The following DAB1 variants were observed in gnomAD, a reference collection of about 807,000 sequenced individuals.
DAB1 encodes DAB adaptor protein 1, also known as disabled homolog 1.
DAB1 carries 15 observed loss-of-function variants against 64.6 expected under a neutral mutation model. That is an observed-to-expected ratio of 0.23 (90% confidence interval 0.16 to 0.36). The LOEUF (loss-of-function observed/expected upper bound fraction) is 0.36. Ranked by LOEUF, DAB1 falls within the 10% of genes least tolerant of loss-of-function variation. DAB1 has a pLI of 1.00. For synonymous variants in DAB1, 235 were observed against 251.9 expected, an observed-to-expected ratio of 0.93 and a Z score of 0.64; for missense variants, 596 against 706.7, an observed-to-expected ratio of 0.84 and a Z score of 1.78.
intron 7 of DAB1, among the ~76,000 whole-genome samples, chr1:57,430,987 G>A (rs1379196896): frequency 2.6e-5 from 4 of 151,660 alleles, no homozygotes; most frequent in Non-Finnish European, 4.4e-5. Flanking sequence ...TGAGATGAAC[G>A]CTATGACAAT....
chr1:58,315,759 T>A (rs1662543641), intron 4 of DAB1, among the ~76,000 whole-genome samples: 2 of 152,188 alleles, frequency 1.3e-5, no homozygotes, highest in Admixed American at 1.3e-4. Context: ...ATGAACTGAC[T>A]GACAAAGAGA....
At chr1:58,042,690 G>A (rs1418967230) in intron 5 of DAB1, among the ~76,000 whole-genome samples, 8 of 152,154 alleles carry the variant, frequency 5.3e-5, no homozygotes, top group East Asian at 1.9e-4. Flanking sequence ...AAGACTATTC[G>A]CATGGAAGCA....
intron 7 of DAB1, among the ~76,000 whole-genome samples, chr1:57,595,663 T>C (rs759741212): frequency 3.4e-5 from 5 of 148,070 alleles, no homozygotes; most frequent in Admixed American, 6.7e-5. Context: ...AGAATAATAA[T>C]CCCAGTGTTG....
intron 3 of DAB1, among the ~76,000 whole-genome samples, chr1:58,458,676 T>C (rs1301301833): frequency 6.6e-6 from 1 of 152,140 alleles, no homozygotes; most frequent in Non-Finnish European, 1.5e-5. Flanking sequence ...TGGTGGTGCA[T>C]GCCTGTTATC....
At chr1:58,223,137 G>T (rs1294826607) in intron 4 of DAB1, among the ~76,000 whole-genome samples, 1 of 152,126 alleles carries the variant, frequency 6.6e-6, no homozygotes. Flanking sequence ...CAATCTCAGG[G>T]CTGGCACACT....
In DAB1 at chr1:57,565,722, G is replaced by A. The variant is rs188560622; in HGVS notation, n.625+83870C>T. Among the ~76,000 whole-genome samples, 275 of 152,148 alleles carry A rather than the reference G, an allele frequency of 1.8e-3. 1 individual carries two copies. Among genetic ancestry groups the A allele is most frequent in the African/African-American group, 6.0e-3 (251 of 41,534 alleles). Reference sequence around the variant, plus strand: ...AAGGGGTCAATTCAACAAGAAGAGCGAACTATCCTAAATATATATGCACCC... The same window carrying A: ...AAGGGGTCAATTCAACAAGAAGAGCAAACTATCCTAAATATATATGCACCC... On this transcript the variant is annotated intron_variant and non_coding_transcript_variant, in intron 7 of 20. Coordinates refer to the DAB1 transcript ENST00000485760.
chr1:58,252,770 CT>C (rs1553170769), intron 4 of DAB1, among the ~76,000 whole-genome samples: 2 of 152,168 alleles, frequency 1.3e-5, no homozygotes, highest in Non-Finnish European at 2.9e-5. Context: ...TGACTTTCTC[CT>C]TCTCTAAGCC....
intron 2 of DAB1, among the ~76,000 whole-genome samples, chr1:57,285,478 G>A (rs1672239914): frequency 6.6e-6 from 1 of 151,762 alleles, no homozygotes; most frequent in Non-Finnish European, 1.5e-5. Flanking sequence ...TCACCATGTT[G>A]GCCAGGTTGG....
chr1:57,206,142 G>T (rs1465327514), intron 2 of DAB1, among the ~76,000 whole-genome samples: 1 of 152,228 alleles, frequency 6.6e-6, no homozygotes, highest in Non-Finnish European at 1.5e-5. Context: ...ATTCCAAAGG[G>T]GTTAGCAGGA....
At chr1:57,029,580 G>A (rs1646902466) in intron 9 of DAB1, among the ~76,000 whole-genome samples, 1 of 152,186 alleles carries the variant, frequency 6.6e-6, no homozygotes, top group Non-Finnish European at 1.5e-5. Context: ...GCAGCTGGGA[G>A]GGAGGCTGTA....
intron 3 of DAB1, among the ~76,000 whole-genome samples, chr1:58,483,689 C>T (rs1472680935): frequency 6.6e-6 from 1 of 152,118 alleles, no homozygotes; most frequent in Non-Finnish European, 1.5e-5. Context: ...AAGTCAGATC[C>T]TCAGCTAAAC....
chr1:57,627,108 AC>A (rs1461812697), intron 7 of DAB1, among the ~76,000 whole-genome samples: 3 of 152,174 alleles, frequency 2.0e-5, no homozygotes, highest in African/African-American at 7.2e-5. Context: ...CCTGAATAGA[AC>A]AAAAGGCAGA....
intron 5 of DAB1, among the ~76,000 whole-genome samples, chr1:57,928,458 T>C (rs1484995505): frequency 3.3e-5 from 5 of 152,150 alleles, no homozygotes; most frequent in African/African-American, 1.2e-4. Flanking sequence ...TATATCACTG[T>C]TACTCAAAGA....
At chr1:57,788,145 G>A (rs1650425520) in intron 6 of DAB1, among the ~76,000 whole-genome samples, 2 of 152,064 alleles carry the variant, frequency 1.3e-5, no homozygotes, top group South Asian at 4.1e-4. Context: ...CAATAATCCA[G>A]CAATTCCATT....
chr1:57,702,332 C>T (rs1646917094), intron 6 of DAB1, among the ~76,000 whole-genome samples: 1 of 152,084 alleles, frequency 6.6e-6, no homozygotes. Context: ...ATTGTTTCTA[C>T]ACCACCCTTT....
chr1:57,479,653 T>C (rs981207003), intron 7 of DAB1, among the ~76,000 whole-genome samples: 1 of 152,044 alleles, frequency 6.6e-6, no homozygotes, highest in Non-Finnish European at 1.5e-5. Flanking sequence ...GGGGCTGGGA[T>C]CATCTGAAGG....
chr1:57,922,768 C>CCCGG (rs1644825964), intron 5 of DAB1, among the ~76,000 whole-genome samples: 1 of 148,738 alleles, frequency 6.7e-6, no homozygotes, highest in African/African-American at 2.5e-5. Flanking sequence ...ATGGCATGAA[C>CCCGG]CCGGGAGGCA....
chr1:58,263,185 A>C (rs1661087965), intron 4 of DAB1, among the ~76,000 whole-genome samples: 1 of 152,198 alleles, frequency 6.6e-6, no homozygotes, highest in African/African-American at 2.4e-5. Flanking sequence ...GATTCCTTTT[A>C]CTTTTTGGGA....
intron 3 of DAB1, among the ~76,000 whole-genome samples, chr1:58,451,346 G>T (rs1465953390): frequency 6.6e-6 from 1 of 152,174 alleles, no homozygotes; most frequent in African/African-American, 2.4e-5. Context: ...TCCCACCTTA[G>T]TCTCCCAAAG....
Sources: gnomAD v4.1 joint callset for allele counts (sites outside exome capture counted in the v4.1 genomes callset) on GRCh38, gnomAD v4.1.1 for gene constraint, MANE v1.5 for transcripts, NCBI Gene and HGNC (gene_info 2026-07-23, HGNC 2026-07-21) for gene names.